The following SLC15A3 variants were observed in gnomAD, a reference collection of about 807,000 sequenced individuals.
SLC15A3 encodes the protein osteoclast transporter.
SLC15A3 carries 39 observed loss-of-function variants against 49.2 expected under a neutral mutation model. That is an observed-to-expected ratio of 0.79 (90% CI 0.61 to 1.04). The LOEUF is 1.04. SLC15A3 is among the 50% of genes least tolerant of loss of function. The pLI, the probability that SLC15A3 is intolerant of heterozygous loss-of-function variation, is 0.00. For missense variants in SLC15A3, 758 were observed against 794.8 expected (o/e 0.95, Z 0.56); for synonymous variants, 339 against 367.0 (o/e 0.92, Z 0.87).
In SLC15A3 at chr11:60,943,757, A is replaced by G; in HGVS notation, c.928T>C (p.Phe310Leu). 6.2e-7 allele frequency: 1 copy of G among 1,606,218 alleles called. No homozygotes were observed. Among genetic ancestry groups the G allele is most frequent in the African/African-American group, 1.3e-5 (1 of 74,724 alleles). Reference sequence around the variant, plus strand: ...GGCAAGATCTTCACCAGCACCTGGAAGTTGGCGATGTCCTCTTGCGGGGAA... The same window carrying G: ...GGCAAGATCTTCACCAGCACCTGGAGGTTGGCGATGTCCTCTTGCGGGGAA... Reference protein sequence around the residue: ...GASPQEDIANFQVLVKILPVM... With the variant: ...GASPQEDIANLQVLVKILPVM... Residue 310 changes from phenylalanine (F) to leucine (L), a missense_variant, in exon 3 of 8, where the codon TTC (phenylalanine) becomes CTC (leucine). Phe to Leu is a conservative substitution (Grantham distance 22). This residue lies in a region of SLC15A3 where 699 missense variants were observed against 706.7 expected (regional missense o/e 0.99). Transcript: ENST00000227880.
chr11:60,937,775 G>C, intron 7 of SLC15A3, 95 bp downstream of exon 7: 1 of 1,454,766 alleles, frequency 6.9e-7, no homozygotes, highest in Non-Finnish European at 9.3e-7. Flanking sequence ...CCCTCTACTT[G>C]CTTCTCCCCA....
chr11:60,939,454 G>A (rs1160642688), intron 6 of SLC15A3, 26 bp downstream of exon 6: 2 of 1,611,888 alleles, frequency 1.2e-6, no homozygotes, highest in East Asian at 2.2e-5. Context: ...CACTGGTGCA[G>A]GAGCAGGGGA....
rs1278256463 is a variant in SLC15A3, at chr11:60,946,591, A to T, written c.789T>A (p.Ser263=). Residue 263 remains serine, a synonymous_variant, in exon 2 of 8, where the codon TCT becomes TCA. Transcript: ENST00000227880. ...AGTTTTGGAGAGCGAGCTTAAGCAT[A>T]GAGGACACTTGGCTGCCCATCGGGG... ...TKPPMGSQVS[S]MLKLALQNCC... is the part of the protein sequence containing the mutation. 1.2e-6 allele frequency: 2 copies of T among 1,611,378 alleles called. No individual in the cohort carries two copies. Among genetic ancestry groups the T allele is most frequent in the Non-Finnish European group, 1.7e-6 (2 of 1,178,044 alleles).
intron 4 of SLC15A3, chr11:60,941,787 C>T: frequency 4.2e-6 from 2 of 477,248 alleles, no homozygotes; most frequent in African/African-American, 2.0e-5. Flanking sequence ...AATTAGGCAG[C>T]GAGACCTGCT....
At chr11:60,937,758 A>C (rs1197567974) in intron 7 of SLC15A3, 112 bp downstream of exon 7, 5 of 1,357,018 alleles carry the variant, frequency 3.7e-6, no homozygotes, top group Non-Finnish European at 5.0e-6. Flanking sequence ...CATTCTCCCA[A>C]GTCTAGCCCT....
In SLC15A3 at chr11:60,942,035, C is replaced by T. The variant is rs766106498; in HGVS notation, c.1107G>A (p.Thr369=). 12 of 1,613,568 alleles carry T rather than the reference C, an allele frequency of 7.4e-6. No individual in the cohort carries two copies. The South Asian group carries it at 8.8e-5, about 12-fold the overall frequency. ...VALRAQGSSY[T]IPEAWLLLAN... Reference sequence around the variant, plus strand: ...GCCGAACACATGCTTTATCTCTCACCGTGTAGCTGCTGCCCTGGGCTCTCA... The same window carrying T: ...GCCGAACACATGCTTTATCTCTCACTGTGTAGCTGCTGCCCTGGGCTCTCA... The change falls in exon 4 of 8, where the codon ACG becomes ACA. Residue 369 remains threonine (T), a splice_region_variant and synonymous_variant. Coordinates refer to ENST00000227880, the MANE Select transcript of SLC15A3 (RefSeq NM_016582.3).
At chr11:60,942,498 C>T (rs1253989883) in intron 3 of SLC15A3, 1 of 226,720 alleles carries the variant, frequency 4.4e-6, no homozygotes, top group African/African-American at 2.3e-5. Context: ...GAGTTCTCAT[C>T]TGACACTGAA....
At chr11:60,945,218 T>C (rs1856783754) in intron 2 of SLC15A3, among the ~76,000 whole-genome samples, 1 of 152,166 alleles carries the variant, frequency 6.6e-6, no homozygotes, top group African/African-American at 2.4e-5. Flanking sequence ...TGTGAGAAGT[T>C]CAAGCCACAT....
chr11:60,950,153 G>A (rs2134943938), intron 1 of SLC15A3, among the ~76,000 whole-genome samples: 1 of 152,324 alleles, frequency 6.6e-6, no homozygotes, highest in South Asian at 2.1e-4. Context: ...ATGAGTTCTT[G>A]CCCATGTGGC....
intron 2 of SLC15A3, among the ~76,000 whole-genome samples, chr11:60,946,231 C>A (rs990693968): frequency 1.3e-5 from 2 of 152,078 alleles, no homozygotes; most frequent in African/African-American, 2.4e-5. Flanking sequence ...CAGGCTCAAG[C>A]AAGCCACCAG....
chr11:60,939,519 G>A lies in SLC15A3; in HGVS notation c.1396C>T (p.Leu466=), dbSNP rs565750120. 1 of 1,614,208 alleles carries A rather than the reference G, an allele frequency of 6.2e-7. No individual in the cohort carries two copies. The highest frequency in any genetic ancestry group is 1.7e-5 in the Admixed American group (1 of 60,030). ...AAGATCTCACTGATCCCAATGAGCAGGTACTGAGGGATCTGCCACCAGATG... is the reference window on the plus strand; with the variant it reads ...AAGATCTCACTGATCCCAATGAGCAAGTACTGAGGGATCTGCCACCAGATG... ...LSIWWQIPQY[L]LIGISEIFAS... Residue 466 remains leucine (L), a synonymous_variant, in exon 6 of 8, where the codon CTG becomes TTG. Transcript: ENST00000227880.
intron 2 of SLC15A3, among the ~76,000 whole-genome samples, chr11:60,945,629 T>C (rs1856790175): frequency 6.6e-6 from 1 of 152,198 alleles, no homozygotes; most frequent in Non-Finnish European, 1.5e-5. Context: ...CTGCAAGGTC[T>C]GGAGACAGAT....
intron 6 of SLC15A3, 25 bp downstream of exon 6, chr11:60,939,455 G>T (rs924797864): frequency 1.2e-6 from 2 of 1,611,986 alleles, no homozygotes; most frequent in Admixed American, 3.3e-5. Flanking sequence ...ACTGGTGCAG[G>T]AGCAGGGGAG....
At chr11:60,948,951 T>C (rs1220628207) in intron 1 of SLC15A3, among the ~76,000 whole-genome samples, 1 of 152,114 alleles carries the variant, frequency 6.6e-6, no homozygotes, top group African/African-American at 2.4e-5. Flanking sequence ...GGGATGTCAA[T>C]GAAATAATAG....
In SLC15A3 at chr11:60,938,042, G is replaced by A. The variant is rs371632404; in HGVS notation, c.1436-17C>T. 1.9e-6 allele frequency: 3 copies of A among 1,612,340 alleles called. No individual in the cohort carries two copies. The African/African-American group carries it at 4.0e-5, about 22-fold the overall frequency. On this transcript the variant is annotated splice_polypyrimidine_tract_variant and intron_variant, in intron 6 of 7. Coordinates refer to ENST00000227880, the MANE Select transcript of SLC15A3 (RefSeq NM_016582.3). The stretch of plus-strand genomic sequence containing the variant: ...ACTCCAGGCCTGCAGAGGGGGAGCA[G>A]AGACGATCTCAGGGGCTGGTGCAGG...
At chr11:60,946,890 C>G in intron 1 of SLC15A3, 69 bp from the exon 2 acceptor site, 1 of 1,512,008 alleles carries the variant, frequency 6.6e-7, no homozygotes. Flanking sequence ...CCATACCCCT[C>G]CCTCCTACAG....
At chr11:60,939,801 G>A in intron 5 of SLC15A3, 163 bp from the exon 6 acceptor site, 1 of 756,290 alleles carries the variant, frequency 1.3e-6, no homozygotes, top group Non-Finnish European at 2.1e-6. Flanking sequence ...AGGGGGCCAA[G>A]ATGTGACCAA....
chr11:60,941,993 A>G lies in SLC15A3; in HGVS notation c.1107+42T>C, dbSNP rs758694889. On this transcript the variant is annotated intron_variant, in intron 4 of 7. Coordinates refer to ENST00000227880, the MANE Select transcript of SLC15A3 (RefSeq NM_016582.3). ...CCTCCTCTTCTCAGAGGAAGCCGCT[A>G]CCTGGCTGAACTGGGTGCCGAACAC... The G allele has an allele frequency of 5.1e-6, 8 of 1,574,478 alleles. No individual in the cohort carries two copies. The South Asian group carries it at 7.8e-5, about 15-fold the overall frequency.
chr11:60,950,706 G>A (rs1856900345), intron 1 of SLC15A3, among the ~76,000 whole-genome samples: 1 of 152,204 alleles, frequency 6.6e-6, no homozygotes, highest in Admixed American at 6.5e-5. Flanking sequence ...AGGGATAATC[G>A]CTTGAACCCG....
Sources: gnomAD v4.1 joint callset for allele counts (sites outside exome capture counted in the v4.1 genomes callset) on GRCh38, gnomAD v4.1.1 for gene constraint, gnomAD v4.1.1 regional missense constraint, MANE v1.5 for transcripts, NCBI Gene and HGNC (gene_info 2026-07-23, HGNC 2026-07-21) for gene names.